The following TMEM255B variants were observed in gnomAD, a reference collection of about 807,000 sequenced individuals.
TMEM255B encodes family with sequence similarity 70, member B.
TMEM255B carries 35 observed loss-of-function variants against 34.5 expected under a neutral mutation model. The observed-to-expected ratio is 1.01, with a 90% CI of 0.77 to 1.34. The LOEUF (loss-of-function observed/expected upper bound fraction) is 1.34, where lower values mean the gene tolerates loss of function less well. Ranked by LOEUF, TMEM255B falls within the 40% of genes most tolerant of loss-of-function variation. The pLI is 0.00. For missense variants in TMEM255B, 432 were observed against 433.2 expected (o/e 1.00, Z 0.02); for synonymous variants, 206 against 201.2 (o/e 1.02, Z -0.20).
chr13:113,812,995 A>ACAGGCCC lies in TMEM255B; in HGVS notation c.*1093_*1094insAGGCCCC, dbSNP rs2051355639. ...GTGGGTCACGGGTCCCGGGTGGGTC[A>ACAGGCCC]CGGGTCCCGAGTGGGTCACGGGTCC... On this transcript the variant is annotated 3_prime_UTR_variant, in exon 9 of 9. Coordinates refer to ENST00000375353, the MANE Select transcript of TMEM255B (RefSeq NM_182614.4). 3 of 138,336 alleles carry ACAGGCCC rather than the reference A, an allele frequency of 2.2e-5. No individual in the cohort carries two copies. Among genetic ancestry groups the ACAGGCCC allele is most frequent in the African/African-American group, 1.0e-4 (3 of 29,394 alleles). The allele number at this position is 138,336 out of a possible 1,614,324, so 8.6% of individuals were successfully genotyped here.
intron 2 of TMEM255B, among the ~76,000 whole-genome samples, chr13:113,766,804 G>A (rs935940879): frequency 5.9e-5 from 9 of 152,336 alleles, no homozygotes; most frequent in Non-Finnish European, 1.3e-4. Flanking sequence ...GAAGGTGGTG[G>A]TGCTGACCTC....
intron 7 of TMEM255B, among the ~76,000 whole-genome samples, chr13:113,804,445 TCTC>T (rs1566330451): frequency 6.6e-6 from 1 of 151,764 alleles, no homozygotes; most frequent in African/African-American, 2.4e-5. Flanking sequence ...AGTGCTTTTT[TCTC>T]CCCCCCCAAA....
chr13:113,782,659 C>G (rs1414963196), intron 3 of TMEM255B, among the ~76,000 whole-genome samples: 1 of 139,910 alleles, frequency 7.1e-6, no homozygotes, highest in Admixed American at 7.4e-5. Context: ...ATGAGATTTC[C>G]TCCTGTGATG....
chr13:113,766,049 C>G (rs1196502466), intron 1 of TMEM255B, 66 bp from the exon 2 acceptor site: 1 of 1,596,790 alleles, frequency 6.3e-7, no homozygotes, highest in East Asian at 2.2e-5. Context: ...CGGCCCAGAG[C>G]CTGCTGGCCT....
intron 8 of TMEM255B, among the ~76,000 whole-genome samples, chr13:113,810,525 T>A (rs2051278599): frequency 6.6e-6 from 1 of 152,128 alleles, no homozygotes; most frequent in African/African-American, 2.4e-5. Context: ...TACCTACATA[T>A]GAAGAGAGAG....
chr13:113,774,738 CCA>C (rs1194884425), intron 3 of TMEM255B, among the ~76,000 whole-genome samples: 1 of 116,452 alleles, frequency 8.6e-6, no homozygotes. Context: ...ACACACGACA[CCA>C]CACACACTAC....
chr13:113,766,056 G>T, intron 1 of TMEM255B, 59 bp from the exon 2 acceptor site: 1 of 1,603,752 alleles, frequency 6.2e-7, no homozygotes, highest in Non-Finnish European at 8.5e-7. Context: ...GAGCCTGCTG[G>T]CCTGACGCCC....
chr13:113,795,927 CCACACAA>C (rs2050921048), intron 4 of TMEM255B, among the ~76,000 whole-genome samples: 1 of 133,364 alleles, frequency 7.5e-6, no homozygotes, highest in African/African-American at 2.8e-5. Context: ...ACAGCACACA[CCACACAA>C]CACACAGAGC....
At chr13:113,811,658 G>T in intron 8 of TMEM255B, 78 bp from the exon 9 acceptor site, 2 of 1,552,950 alleles carry the variant, frequency 1.3e-6, no homozygotes, top group Admixed American at 1.8e-5. Context: ...GAGTGGCCCT[G>T]GTATATGTCA....
chr13:113,774,068 G>A (rs929859293), intron 3 of TMEM255B, among the ~76,000 whole-genome samples: 2 of 152,000 alleles, frequency 1.3e-5, no homozygotes. Flanking sequence ...GAAGAAAATC[G>A]CAATGAACCC....
At chr13:113,797,217 A>C (rs1299191728) in intron 4 of TMEM255B, among the ~76,000 whole-genome samples, 2 of 152,222 alleles carry the variant, frequency 1.3e-5, no homozygotes, top group African/African-American at 4.8e-5. Context: ...GTTAGAAACA[A>C]AGCAGGGCCC....
chr13:113,797,099 C>T (rs1211152781), intron 4 of TMEM255B, among the ~76,000 whole-genome samples: 1 of 152,222 alleles, frequency 6.6e-6, no homozygotes, highest in African/African-American at 2.4e-5. Context: ...GAGCAGGGTC[C>T]AGTCTCTGAC....
intron 3 of TMEM255B, among the ~76,000 whole-genome samples, chr13:113,790,256 T>C (rs558039945): frequency 8.4e-6 from 1 of 119,308 alleles, no homozygotes; most frequent in African/African-American, 2.6e-5. Flanking sequence ...GTGGGCATCC[T>C]AACACTGAAC....
rs1052354965 is a variant in TMEM255B at position 113,806,679 on chromosome 13, A to G, written c.813+1651A>G. Among the ~76,000 whole-genome samples the G allele has an allele frequency of 2.0e-5, 3 of 151,868 alleles. No individual in the cohort carries two copies. Among genetic ancestry groups the G allele is most frequent in the Admixed American group, 6.5e-5 (1 of 15,270 alleles). ...GCCACAGGCAGCTTCATCCTTCCCC[A>G]AGCCTCCTGCCCCTGCCCCAGGGAC... On this transcript the variant is annotated intron_variant, in intron 8 of 8. Transcript: ENST00000375353. The surrounding 1 kb of genome is among the most constrained non-coding windows in gnomAD (Gnocchi z 4.2).
At chr13:113,805,429 C>T (rs56174943) in intron 8 of TMEM255B, among the ~76,000 whole-genome samples, 14,716 of 152,234 alleles carry the variant, frequency 0.097, 2,348 homozygotes, top group African/African-American at 0.33. Flanking sequence ...TACCCGCAGA[C>T]GTGGAGACAT....
rs117209253 is a variant in TMEM255B at position 113,769,079 on chromosome 13, G to A, written c.190-19G>A. 1,478 of 1,613,886 alleles carry A rather than the reference G, an allele frequency of 9.2e-4. 7 individuals are homozygous for A. The East Asian group carries it at 0.021, about 22-fold the overall frequency. On this transcript the variant is annotated intron_variant, in intron 2 of 8. Transcript: ENST00000375353. This position sits in a 1 kb window ranked among gnomAD's most constrained non-coding sequence, Gnocchi z 4.2. ...GCACGTTAATGAGTGTTTCTCTCTC[G>A]TTCTTCCTTTGGTTTTAGCTCGGCT...
intron 3 of TMEM255B, among the ~76,000 whole-genome samples, chr13:113,776,117 A>G (rs1016048138): frequency 2.0e-5 from 3 of 152,104 alleles, no homozygotes; most frequent in Non-Finnish European, 4.4e-5. Context: ...TGAAGTTCAA[A>G]GAGGACCCTG....
At chr13:113,796,024 C>CA (rs2050924570) in intron 4 of TMEM255B, among the ~76,000 whole-genome samples, 1 of 144,512 alleles carries the variant, frequency 6.9e-6, no homozygotes, top group Admixed American at 6.9e-5. Flanking sequence ...ACACAGCACA[C>CA]ACACCATAAC....
At chr13:113,761,872 CAA>C (rs2050314055) in intron 1 of TMEM255B, among the ~76,000 whole-genome samples, 1 of 152,148 alleles carries the variant, frequency 6.6e-6, no homozygotes, top group South Asian at 2.1e-4. Flanking sequence ...CGGCGACAAA[CAA>C]GAGACAGAGC....
Sources: allele counts gnomAD v4.1 joint callset (sites outside exome capture counted in the v4.1 genomes callset), GRCh38; gene constraint gnomAD v4.1.1; non-coding constraint Gnocchi (gnomAD v3.1); transcripts MANE v1.5; gene names NCBI Gene and HGNC (gene_info 2026-07-23, HGNC 2026-07-21).